Variants in CELA3A observed in about 807,000 individuals in gnomAD.
CELA3A encodes chymotrypsin-like elastase family member 3A.
A neutral mutation model predicts 38.6 loss-of-function variants in CELA3A; 35 were observed. The ratio of observed to expected loss-of-function variants is 0.91; its 90% confidence interval spans 0.69 to 1.20. The LOEUF is 1.20. CELA3A is among the 50% of genes most tolerant of loss of function. The pLI is 0.00. For synonymous variants in CELA3A, 143 were observed against 136.7 expected (o/e 1.05, Z -0.32); for missense variants, 343 against 354.2 (o/e 0.97, Z 0.25).
In CELA3A at chr1:22,006,974, C is replaced by T. The variant is rs149860165; in HGVS notation, c.459C>T (p.Asn153=). ...CTCCCGCTGGTGACATCCTTCCCAA[C>T]AAGACACCCTGCTACATCACCGGCT... is the stretch of plus-strand genomic sequence containing the variant. ...SLPPAGDILP[N]KTPCYITGWG... is the part of the protein sequence containing the mutation. Residue 153 remains asparagine (N), a synonymous_variant, in exon 5 of 8, where the codon AAC becomes AAT. Transcript: ENST00000290122. 18 of 1,612,422 alleles carry T rather than the reference C, an allele frequency of 1.1e-5. 1 individual carries two copies. The African/African-American group carries it at 1.9e-4, about 17-fold the overall frequency.
chr1:22,011,633 C>T lies in CELA3A; in HGVS notation c.796-817C>T, dbSNP rs1329517934. Among the ~76,000 whole-genome samples, 5 of 124,626 alleles carry T rather than the reference C, an allele frequency of 4.0e-5. 1 individual carries two copies. Among genetic ancestry groups the T allele is most frequent in the South Asian group, 2.5e-4 (1 of 4,044 alleles). The allele number at this position is 124,626 out of a possible 152,430, so 81.8% of individuals were successfully genotyped here. On this transcript the variant is annotated intron_variant, in intron 7 of 7. Coordinates refer to ENST00000290122, the MANE Select transcript of CELA3A (RefSeq NM_005747.5). ...AAATTGGCCAGGCGTGGTAGTGCGTCGCTGTAATCTCAGCTACTTGGGAGG... is the reference window on the plus strand; with the variant it reads ...AAATTGGCCAGGCGTGGTAGTGCGTTGCTGTAATCTCAGCTACTTGGGAGG...
At chr1:22,007,987 C>A (rs1395959659) in intron 6 of CELA3A, among the ~76,000 whole-genome samples, 2 of 150,678 alleles carry the variant, frequency 1.3e-5, no homozygotes, top group East Asian at 3.9e-4. Flanking sequence ...TGCCCATCTA[C>A]AGAAAAACTT....
At chr1:22,002,029 C>G (rs1397968459) in intron 1 of CELA3A, among the ~76,000 whole-genome samples, 1 of 150,998 alleles carries the variant, frequency 6.6e-6, no homozygotes, top group Non-Finnish European at 1.5e-5. Flanking sequence ...TTCCACAGTT[C>G]TACTTACCAC....
Position 22,005,519 on chromosome 1 carries a change from G to A in CELA3A, c.202G>A (p.Val68Ile). 6.2e-7 allele frequency: 1 copy of A among 1,613,010 alleles called. No homozygotes were observed. The highest frequency in any genetic ancestry group is 8.5e-7 in the Non-Finnish European group (1 of 1,179,594). ...CGGSLIAPDW[V>I]VTAGHCISRD... Reference sequence around the variant, plus strand: ...CGGTAGCCTCATCGCCCCCGATTGGGTTGTGACTGCCGGCCACTGCATCTC... The same window carrying A: ...CGGTAGCCTCATCGCCCCCGATTGGATTGTGACTGCCGGCCACTGCATCTC... The change falls in exon 3 of 8, where the codon GTT becomes ATT. Residue 68 changes from valine to isoleucine, a missense_variant. Transcript: ENST00000290122.
chr1:22,005,567 G>A (rs766401051), intron 3 of CELA3A, 23 bp downstream of exon 3: 1 of 1,612,726 alleles, frequency 6.2e-7, no homozygotes, highest in Admixed American at 1.7e-5. Flanking sequence ...CCCTGTCCCT[G>A]CCTGTGGCCC....
At chr1:22,006,671 T>C (rs1644951617) in intron 4 of CELA3A, among the ~76,000 whole-genome samples, 1 of 148,996 alleles carries the variant, frequency 6.7e-6, no homozygotes, top group Non-Finnish European at 1.5e-5. Context: ...GAGCTATGAT[T>C]GTGACACTGC....
intron 6 of CELA3A, 124 bp from the exon 7 acceptor site, chr1:22,009,581 A>C (rs1215972698): frequency 1.6e-6 from 2 of 1,222,240 alleles, no homozygotes; most frequent in Non-Finnish European, 2.2e-6. Context: ...TGATAAAAAA[A>C]TGAGCGAGCT....
At chr1:22,006,716 C>CAATAATAAT (rs111798236) in intron 4 of CELA3A, among the ~76,000 whole-genome samples, 162 bp from the exon 5 acceptor site, 11 of 145,396 alleles carry the variant, frequency 7.6e-5, no homozygotes, top group African/African-American at 2.8e-4. Flanking sequence ...GACTCTGTCT[C>CAATAATAAT]AATAATAATA....
At chr1:22,008,342 G>A (rs112338576) in intron 6 of CELA3A, among the ~76,000 whole-genome samples, 1 of 150,376 alleles carries the variant, frequency 6.6e-6, no homozygotes, top group African/African-American at 2.5e-5. Context: ...GTAGAGATGA[G>A]GTCTCACCAT....
Position 22,012,109 on chromosome 1 carries a change from A to G in CELA3A, c.796-341A>G, listed in dbSNP as rs775211025. Among the ~76,000 whole-genome samples, 7 of 127,894 alleles carry G rather than the reference A, an allele frequency of 5.5e-5. 1 individual carries two copies. The highest frequency in any genetic ancestry group is 1.1e-4 in the Non-Finnish European group (7 of 62,096). 83.9% of individuals were successfully genotyped at this position (127,894 alleles called of 152,430 possible). On this transcript the variant is annotated intron_variant, in intron 7 of 7. Coordinates refer to ENST00000290122, the MANE Select transcript of CELA3A (RefSeq NM_005747.5). ...TTTATATATATACACATACATACGT[A>G]TATATATATACACAAACACATACGT...
At chr1:22,012,083 G>T (rs1291129571) in intron 7 of CELA3A, among the ~76,000 whole-genome samples, 1 of 125,370 alleles carries the variant, frequency 8.0e-6, no homozygotes, top group Non-Finnish European at 1.6e-5. Flanking sequence ...TATAGATTTT[G>T]TTTATATATA....
intron 2 of CELA3A, among the ~76,000 whole-genome samples, chr1:22,003,500 G>A (rs1227059957): frequency 6.6e-6 from 1 of 150,666 alleles, no homozygotes; most frequent in Non-Finnish European, 1.5e-5. Context: ...GGCTGGACTT[G>A]ATGTGCTGTG....
chr1:22,008,651 C>T lies in CELA3A; in HGVS notation c.643-1054C>T, dbSNP rs1405162618. Among the ~76,000 whole-genome samples, 8 of 149,680 alleles carry T rather than the reference C, an allele frequency of 5.3e-5. No individual in the cohort carries two copies. In the East Asian group the frequency reaches 1.0e-3, roughly 19 times the overall value. On this transcript the variant is annotated intron_variant, in intron 6 of 7. Transcript: ENST00000290122. Reference sequence around the variant, plus strand: ...GTGGGCGCCTGTAGTCCCAGCTACTCGGGAGGCTGAGGCAGGAGAATGGTG... The same window carrying T: ...GTGGGCGCCTGTAGTCCCAGCTACTTGGGAGGCTGAGGCAGGAGAATGGTG...
In CELA3A at chr1:22,009,726, A is replaced by G. The variant is rs779946569; in HGVS notation, c.664A>G (p.Asn222Asp). Residue 222 changes from asparagine to aspartate, a missense_variant, in exon 7 of 8, where the codon AAC (asparagine) becomes GAC (aspartate). Physicochemically the swap from Asn to Asp is conservative, Grantham distance 23 (BLOSUM62 1). Transcript: ENST00000290122. ...GCNGDSGGPL[N>D]CPTEDGGWQV... ...CCAGGGTGACTCTGGAGGACCCCTCAACTGCCCCACAGAGGATGGTGGCTG... is the reference window on the plus strand; with the variant it reads ...CCAGGGTGACTCTGGAGGACCCCTCGACTGCCCCACAGAGGATGGTGGCTG... 5.6e-6 allele frequency: 9 copies of G among 1,612,030 alleles called. No homozygotes were observed. Among genetic ancestry groups the G allele is most frequent in the Middle Eastern group, 1.6e-4 (1 of 6,074 alleles).
intron 6 of CELA3A, among the ~76,000 whole-genome samples, chr1:22,008,008 G>T (rs977549462): frequency 6.6e-6 from 1 of 150,826 alleles, no homozygotes; most frequent in Non-Finnish European, 1.5e-5. Context: ...TTTTTACTTA[G>T]TCAGGCATGG....
chr1:22,008,974 G>C (rs1188942629), intron 6 of CELA3A, among the ~76,000 whole-genome samples: 16 of 151,752 alleles, frequency 1.1e-4, no homozygotes, highest in Non-Finnish European at 1.6e-4. Flanking sequence ...GCTGGGCGTG[G>C]TGGCTCACAC....
rs368313650 is a variant in CELA3A at position 22,010,400 on chromosome 1, C to G, written c.795+543C>G. Among the ~76,000 whole-genome samples, 296 of 151,048 alleles carry G rather than the reference C, an allele frequency of 2.0e-3. 8 individuals carry two copies. Among genetic ancestry groups the G allele is most frequent in the African/African-American group, 6.8e-3 (280 of 41,026 alleles). ...TTGGGAAGCAGAGGCAGGTGGATCA[C>G]GAGGTTAGGAGTTCAAGACCAGCCT... On this transcript the variant is annotated intron_variant, in intron 7 of 7. Coordinates refer to ENST00000290122, the MANE Select transcript of CELA3A (RefSeq NM_005747.5).
In CELA3A at chr1:22,005,474, A is replaced by G. The variant is rs780496529; in HGVS notation, c.157A>G (p.Ser53Gly). Residue 53 changes from serine (S) to glycine (G), a missense_variant, in exon 3 of 8, where the codon AGC becomes GGC. By Grantham distance (56) the Ser-to-Gly change is moderately conservative. Transcript: ENST00000290122. Reference sequence around the variant, plus strand: ...TTCCCTGCAGTATGAGAAAAGTGGAAGCTTCTACCACACGTGTGGCGGTAG... The same window carrying G: ...TTCCCTGCAGTATGAGAAAAGTGGAGGCTTCTACCACACGTGTGGCGGTAG... ...QVSLQYEKSG[S>G]FYHTCGGSLI... The G allele has an allele frequency of 5.0e-6, 8 of 1,612,806 alleles. No individual in the cohort carries two copies. Among genetic ancestry groups the G allele is most frequent in the Non-Finnish European group, 6.8e-6 (8 of 1,179,652 alleles).
chr1:22,008,152 C>CATTTTTTTTT (rs534012370), intron 6 of CELA3A, among the ~76,000 whole-genome samples: 1 of 86,844 alleles, frequency 1.2e-5, no homozygotes, highest in Non-Finnish European at 2.4e-5. Context: ...GACGTTGTCT[C>CATTTTTTTTT]TTTTTTTTTT....
Sources: allele counts gnomAD v4.1 joint callset (sites outside exome capture counted in the v4.1 genomes callset), GRCh38; gene constraint gnomAD v4.1.1; transcripts MANE v1.5; gene names NCBI Gene and HGNC (gene_info 2026-07-23, HGNC 2026-07-21).